The following THSD7B variants were observed in gnomAD, a reference collection of about 807,000 sequenced individuals.
The protein encoded by THSD7B is thrombospondin type 1 domain containing 7B.
Under a neutral mutation model 213.6 loss-of-function variants are expected in THSD7B, and 138 were observed. The observed-to-expected ratio is 0.65, with a 90% CI of 0.56 to 0.74. The LOEUF (loss-of-function observed/expected upper bound fraction) is 0.74. THSD7B is among the 30% of genes least tolerant of loss of function. The pLI, the probability that THSD7B is intolerant of heterozygous loss-of-function variation, is 0.00. For synonymous variants in THSD7B, 742 were observed against 687.0 expected, an observed-to-expected ratio of 1.08 and a Z score of -1.25; for missense variants, 1,931 against 1,991.5, an observed-to-expected ratio of 0.97 and a Z score of 0.58.
At position 137,470,958 on chromosome 2, in the gene THSD7B, C is replaced by T. The variant is rs534678728; in HGVS notation, c.3138+19935C>T. ...TTTTTGAGACAGAGTCTCACTTCATCACTCAGGCTGGAGTGCAATGGCACA... is the reference window on the plus strand; with the variant it reads ...TTTTTGAGACAGAGTCTCACTTCATTACTCAGGCTGGAGTGCAATGGCACA... On this transcript the variant is annotated intron_variant, in intron 15 of 27. Transcript: ENST00000409968. Among the ~76,000 whole-genome samples, 3 of 138,506 alleles carry T rather than the reference C, an allele frequency of 2.2e-5. No homozygotes were observed. The South Asian group carries it at 7.0e-4, about 32-fold the overall frequency. The allele number at this position is 138,506 out of a possible 152,430, so 90.9% of individuals were successfully genotyped here. A position where few individuals can be genotyped will look rare whatever the true frequency, so the allele number is the denominator to read the frequency against.
intron 12 of THSD7B, among the ~76,000 whole-genome samples, chr2:137,309,928 C>T (rs1482211254): frequency 6.6e-6 from 1 of 152,094 alleles, no homozygotes; most frequent in Non-Finnish European, 1.5e-5. Flanking sequence ...TGGGTTGGTT[C>T]CAAGTCTTTG....
At chr2:137,116,253 A>G (rs1041669879) in intron 5 of THSD7B, among the ~76,000 whole-genome samples, 1 of 152,226 alleles carries the variant, frequency 6.6e-6, no homozygotes, top group East Asian at 1.9e-4. Context: ...TTTTGCTTCA[A>G]CAACTGGTGC....
At chr2:137,260,335 A>C (rs111620508) in intron 10 of THSD7B, among the ~76,000 whole-genome samples, 294 of 152,298 alleles carry the variant, frequency 1.9e-3, no homozygotes, top group African/African-American at 6.7e-3. Flanking sequence ...GTGCTTTCTG[A>C]ATTTTTTTAA....
rs947971375 is a variant in THSD7B at position 136,910,843 on chromosome 2, T to C, written c.139+28526T>C. Among the ~76,000 whole-genome samples the C allele has an allele frequency of 4.6e-5, 7 of 152,246 alleles. No individual in the cohort carries two copies. The East Asian group carries it at 1.4e-3, about 29-fold the overall frequency. On this transcript the variant is annotated intron_variant, in intron 2 of 27. Transcript: ENST00000409968. Reference sequence around the variant, plus strand: ...AATGATATATGATTTAATGATATAATTTTTAAATGATATAAATTTTGCTAC... The same window carrying C: ...AATGATATATGATTTAATGATATAACTTTTAAATGATATAAATTTTGCTAC...
chr2:137,232,889 T>C lies in THSD7B; in HGVS notation c.1916-10T>C, dbSNP rs182463525. The stretch of plus-strand genomic sequence containing the variant: ...CACTATGTATTACCTTTTGTTCTTA[T>C]TTTTGGCAGGTGGAAAGCCATGTCC... On this transcript the variant is annotated splice_polypyrimidine_tract_variant and intron_variant, in intron 8 of 27. Coordinates refer to ENST00000409968, the MANE Select transcript of THSD7B (RefSeq NM_001316349.2). 3.7e-5 allele frequency: 59 copies of C among 1,613,130 alleles called. No homozygotes were observed. The African/African-American group carries it at 6.3e-4, about 17-fold the overall frequency.
chr2:137,380,871 G>C (rs1013616386), intron 12 of THSD7B, among the ~76,000 whole-genome samples: 6 of 152,222 alleles, frequency 3.9e-5, no homozygotes, highest in Admixed American at 1.3e-4. Context: ...CTCGTGCTTG[G>C]CTTAGAGCCA....
At chr2:136,874,399 A>G (rs1338511783) in intron 1 of THSD7B, among the ~76,000 whole-genome samples, 1 of 152,200 alleles carries the variant, frequency 6.6e-6, no homozygotes, top group Non-Finnish European at 1.5e-5. Flanking sequence ...GGGATGCAGA[A>G]TATTGCAGTC....
intron 15 of THSD7B, among the ~76,000 whole-genome samples, chr2:137,468,956 T>C (rs976752007): frequency 2.6e-5 from 4 of 152,202 alleles, no homozygotes; most frequent in African/African-American, 9.6e-5. Context: ...ACTGAATTGC[T>C]AATTCTGTGT....
chr2:137,056,622 T>G lies in THSD7B; in HGVS notation c.342T>G (p.Cys114Trp). 6.2e-7 allele frequency: 1 copy of G among 1,614,002 alleles called. No individual in the cohort carries two copies. Among genetic ancestry groups the G allele is most frequent in the Non-Finnish European group, 8.5e-7 (1 of 1,179,894 alleles). The change falls in exon 3 of 28, where the codon TGT becomes TGG. Residue 114 changes from cysteine (C) to tryptophan (W), a missense_variant. By Grantham distance (215) the Cys-to-Trp change is radical. Transcript: ENST00000409968. Reference protein sequence around the residue: ...FQWEVSDWHHCVLVPYARGEV... With the variant: ...FQWEVSDWHHWVLVPYARGEV... ...GGGAGGTTTCTGACTGGCACCACTG[T>G]GTGCTTGTTCCTTACGCTCGCGGTG... is the stretch of plus-strand genomic sequence containing the variant.
chr2:137,565,868 A>G (rs934753898), intron 16 of THSD7B, among the ~76,000 whole-genome samples: 1 of 152,126 alleles, frequency 6.6e-6, no homozygotes, highest in Non-Finnish European at 1.5e-5. Flanking sequence ...CAATGGCTCC[A>G]TCTCCAATCA....
intron 7 of THSD7B, among the ~76,000 whole-genome samples, chr2:137,174,577 C>T (rs953016548): frequency 1.3e-5 from 2 of 152,126 alleles, no homozygotes; most frequent in African/African-American, 4.8e-5. Context: ...CCATTTTCTA[C>T]TTTGATTTAT....
intron 14 of THSD7B, among the ~76,000 whole-genome samples, chr2:137,450,188 G>A (rs1558800770): frequency 6.6e-6 from 1 of 152,186 alleles, no homozygotes; most frequent in African/African-American, 2.4e-5. Context: ...AGTTAAAACA[G>A]TGAGATTATC....
chr2:137,117,763 T>C (rs1688470128), intron 5 of THSD7B, among the ~76,000 whole-genome samples: 1 of 152,138 alleles, frequency 6.6e-6, no homozygotes, highest in Non-Finnish European at 1.5e-5. Flanking sequence ...TTTCCATGGA[T>C]CCTTCTTGTA....
chr2:137,300,361 A>G (rs937413701), intron 12 of THSD7B, among the ~76,000 whole-genome samples: 4 of 152,156 alleles, frequency 2.6e-5, no homozygotes, highest in Non-Finnish European at 5.9e-5. Flanking sequence ...GAAAATTTAG[A>G]AGCTTTCCTT....
At chr2:137,571,570 C>G (rs1451297006) in intron 16 of THSD7B, among the ~76,000 whole-genome samples, 1 of 152,192 alleles carries the variant, frequency 6.6e-6, no homozygotes, top group African/African-American at 2.4e-5. Flanking sequence ...TATAATCGCT[C>G]TGCATTCTTG....
At chr2:137,348,396 C>T (rs1684926705) in intron 12 of THSD7B, among the ~76,000 whole-genome samples, 1 of 151,682 alleles carries the variant, frequency 6.6e-6, no homozygotes, top group Non-Finnish European at 1.5e-5. Context: ...TTTCTGAGGG[C>T]TGTTAATCAT....
intron 5 of THSD7B, among the ~76,000 whole-genome samples, chr2:137,139,758 A>G (rs185257163): frequency 4.4e-4 from 67 of 152,228 alleles, no homozygotes; most frequent in Admixed American, 3.0e-3. Flanking sequence ...GAATCCCTTC[A>G]TAGAAGAAAT....
intron 2 of THSD7B, among the ~76,000 whole-genome samples, chr2:136,926,773 A>T (rs1388684154): frequency 6.6e-6 from 1 of 152,022 alleles, no homozygotes; most frequent in Non-Finnish European, 1.5e-5. Flanking sequence ...ACTTTACTCA[A>T]TATTTCTGTG....
chr2:137,338,229 A>T (rs1436696600), intron 12 of THSD7B, among the ~76,000 whole-genome samples: 1 of 152,014 alleles, frequency 6.6e-6, no homozygotes, highest in East Asian at 1.9e-4. Flanking sequence ...GCTTGCTCAT[A>T]TTACAGCAGG....
Sources: gnomAD v4.1 joint callset for allele counts (sites outside exome capture counted in the v4.1 genomes callset) on GRCh38, gnomAD v4.1.1 for gene constraint, MANE v1.5 for transcripts, NCBI Gene and HGNC (gene_info 2026-07-23, HGNC 2026-07-21) for gene names.